The following SLC10A7 variants were observed in gnomAD, a reference collection of about 807,000 sequenced individuals.
SLC10A7 encodes solute carrier family 10 member 7, also known as sodium/bile acid cotransporter 7.
A neutral mutation model predicts 43.2 loss-of-function variants in SLC10A7; 29 were observed. The observed-to-expected ratio is 0.67, with a 90% CI of 0.50 to 0.92. The LOEUF (loss-of-function observed/expected upper bound fraction) is 0.92. SLC10A7 is among the 40% of genes least tolerant of loss of function. The probability of loss-of-function intolerance (pLI) is 0.00; values close to 1 mark genes in which losing one functional copy is unlikely to be tolerated. For missense variants in SLC10A7, 295 were observed against 403.2 expected, an observed-to-expected ratio of 0.73 and a Z score of 2.30; for synonymous variants, 152 against 144.8, an observed-to-expected ratio of 1.05 and a Z score of -0.35.
At chr4:146,446,796 T>C (rs566726395) in intron 4 of SLC10A7, among the ~76,000 whole-genome samples, 3 of 143,736 alleles carry the variant, frequency 2.1e-5, no homozygotes, top group Non-Finnish European at 1.5e-5. Context: ...ATCTATCTAT[T>C]TATCTATCTA....
At chr4:146,455,041 ATTC>A (rs1395135294) in intron 4 of SLC10A7, among the ~76,000 whole-genome samples, 1 of 151,814 alleles carries the variant, frequency 6.6e-6, no homozygotes, top group Non-Finnish European at 1.5e-5. Context: ...CTCAAGTTTA[ATTC>A]TTCTTAATCC....
At chr4:146,386,388 AT>A (rs1356751572) in intron 5 of SLC10A7, among the ~76,000 whole-genome samples, 1 of 152,200 alleles carries the variant, frequency 6.6e-6, no homozygotes, top group East Asian at 1.9e-4. Context: ...GTTGCTAAGA[AT>A]AGTATAATGA....
chr4:146,498,230 G>A (rs1736082501), intron 4 of SLC10A7, among the ~76,000 whole-genome samples: 1 of 151,640 alleles, frequency 6.6e-6, no homozygotes, highest in East Asian at 1.9e-4. Flanking sequence ...CAATTCTTCT[G>A]CCTTAGCCTC....
chr4:146,454,168 G>T (rs3849036), intron 4 of SLC10A7, among the ~76,000 whole-genome samples: 36,992 of 151,578 alleles, frequency 0.24, 4,581 homozygotes, highest in South Asian at 0.34. Flanking sequence ...TTACTTTAAG[G>T]GTTACAGGTT....
chr4:146,357,462 A>G (rs753734645), intron 5 of SLC10A7, among the ~76,000 whole-genome samples: 10 of 152,244 alleles, frequency 6.6e-5, no homozygotes, highest in Non-Finnish European at 1.5e-4. Flanking sequence ...CTTTCCATTC[A>G]GGAATGCCTC....
chr4:146,387,135 G>A (rs1454662200), intron 5 of SLC10A7, among the ~76,000 whole-genome samples: 2 of 152,146 alleles, frequency 1.3e-5, no homozygotes, highest in East Asian at 3.9e-4. Context: ...GGTCACAAAG[G>A]TGGAGCCCTC....
chr4:146,501,167 C>G (rs1257504308), intron 4 of SLC10A7, among the ~76,000 whole-genome samples: 1 of 152,180 alleles, frequency 6.6e-6, no homozygotes, highest in Non-Finnish European at 1.5e-5. Context: ...CCCAAATAAT[C>G]TCATCCAATT....
intron 5 of SLC10A7, among the ~76,000 whole-genome samples, chr4:146,406,701 G>A (rs2149824560): frequency 6.6e-6 from 1 of 152,298 alleles, no homozygotes; most frequent in Middle Eastern, 3.4e-3. Flanking sequence ...TATTGTGCGT[G>A]GCCAGGCGCA....
chr4:146,295,078 A>G (rs1469187764), intron 7 of SLC10A7, among the ~76,000 whole-genome samples: 1 of 152,194 alleles, frequency 6.6e-6, no homozygotes, highest in Admixed American at 6.5e-5. Context: ...GGGTTCTGTC[A>G]TCAGGTACTC....
chr4:146,355,906 G>A (rs1455072667), intron 5 of SLC10A7, among the ~76,000 whole-genome samples: 1 of 109,928 alleles, frequency 9.1e-6, no homozygotes, highest in Non-Finnish European at 1.8e-5. Flanking sequence ...GGGGGAGGGG[G>A]GAGGGATAGC....
intron 7 of SLC10A7, among the ~76,000 whole-genome samples, chr4:146,304,111 C>T (rs1731359480): frequency 5.4e-5 from 2 of 37,112 alleles, no homozygotes; most frequent in African/African-American, 2.4e-4. Flanking sequence ...TGCTTATATG[C>T]TTACTACTAA....
At chr4:146,360,849 A>T (rs940841163) in intron 5 of SLC10A7, among the ~76,000 whole-genome samples, 2 of 152,144 alleles carry the variant, frequency 1.3e-5, no homozygotes, top group African/African-American at 4.8e-5. Context: ...TAGGATTCAA[A>T]GCCTGGAAGT....
At chr4:146,326,030 C>T (rs2149707216) in intron 5 of SLC10A7, 34 bp from the exon 6 acceptor site, 1 of 1,599,972 alleles carries the variant, frequency 6.3e-7, no homozygotes, top group Middle Eastern at 1.7e-4. Flanking sequence ...GATCATTTAT[C>T]AGCCTGGAAA....
intron 5 of SLC10A7, among the ~76,000 whole-genome samples, chr4:146,332,682 CT>C (rs1468466620): frequency 1.3e-5 from 2 of 152,144 alleles, no homozygotes; most frequent in South Asian, 4.1e-4. Context: ...AATTAAGCCT[CT>C]TTTCTTTATA....
chr4:146,502,695 A>G (rs1736534555), intron 4 of SLC10A7, among the ~76,000 whole-genome samples: 1 of 152,270 alleles, frequency 6.6e-6, no homozygotes. Context: ...ATACTGAATT[A>G]TTAATGAACA....
chr4:146,266,916 T>C (rs1474572011), intron 10 of SLC10A7, among the ~76,000 whole-genome samples: 1 of 152,196 alleles, frequency 6.6e-6, no homozygotes, highest in Non-Finnish European at 1.5e-5. Flanking sequence ...AATAAAATAA[T>C]ATAAAATGTC....
chr4:146,371,015 A>G (rs2149778271), intron 5 of SLC10A7, among the ~76,000 whole-genome samples: 1 of 152,328 alleles, frequency 6.6e-6, no homozygotes, highest in South Asian at 2.1e-4. Flanking sequence ...CTCAGAATTG[A>G]GTCATCAAAC....
intron 5 of SLC10A7, among the ~76,000 whole-genome samples, chr4:146,336,039 T>G (rs1402271082): frequency 6.6e-6 from 1 of 152,102 alleles, no homozygotes; most frequent in African/African-American, 2.4e-5. Context: ...CCAGGTAATT[T>G]GTAGGCATAT....
chr4:146,412,412 G>A (rs1209843206), intron 5 of SLC10A7, among the ~76,000 whole-genome samples: 1 of 152,092 alleles, frequency 6.6e-6, no homozygotes, highest in East Asian at 1.9e-4. Context: ...GCCATTAACT[G>A]TAATGACTGA....
Sources: gnomAD v4.1 joint callset for allele counts (sites outside exome capture counted in the v4.1 genomes callset) on GRCh38, gnomAD v4.1.1 for gene constraint, MANE v1.5 for transcripts, NCBI Gene and HGNC (gene_info 2026-07-23, HGNC 2026-07-21) for gene names.